Variants in BMAL2 observed in about 807,000 individuals in gnomAD.
BMAL2 encodes basic helix-loop-helix ARNT like 2.
the BMAL2 span, among the ~76,000 whole-genome samples, chr12:27,393,475 G>A: frequency 6.6e-6 from 1 of 152,292 alleles, no homozygotes; most frequent in South Asian, 2.1e-4. Flanking sequence ...GACAGTCACT[G>A]CTTTAGACTC....
At chr12:27,380,425 C>A in the BMAL2 span, 1 of 1,613,010 alleles carries the variant, frequency 6.2e-7, no homozygotes, top group Non-Finnish European at 8.5e-7. Context: ...CGATGGCTTC[C>A]ACACTTCGAT....
chr12:27,385,066 C>T, the BMAL2 span, among the ~76,000 whole-genome samples: 1 of 152,198 alleles, frequency 6.6e-6, no homozygotes, highest in Non-Finnish European at 1.5e-5. Flanking sequence ...GTAATCCCAG[C>T]ACTTTGGGAG....
At chr12:27,373,899 CT>C in the BMAL2 span, among the ~76,000 whole-genome samples, 1 of 152,090 alleles carries the variant, frequency 6.6e-6, no homozygotes, top group African/African-American at 2.4e-5. Context: ...TATCAGAAAG[CT>C]TATTAAAACA....
At chr12:27,406,522 T>C in the BMAL2 span, among the ~76,000 whole-genome samples, 1 of 152,066 alleles carries the variant, frequency 6.6e-6, no homozygotes. Context: ...AGGAATAAAA[T>C]ACTTTACAGA....
the BMAL2 span, among the ~76,000 whole-genome samples, chr12:27,356,937 G>A: frequency 2.0e-5 from 3 of 149,226 alleles, no homozygotes; most frequent in East Asian, 2.0e-4. Flanking sequence ...CCCAAAGTCC[G>A]TTGTATTATT....
At chr12:27,403,465 G>A in the BMAL2 span, 2 of 1,610,478 alleles carry the variant, frequency 1.2e-6, no homozygotes, top group South Asian at 1.1e-5. Context: ...GAGTGTACCT[G>A]GAATGTCTAC....
chr12:27,382,729 C>A, the BMAL2 span, among the ~76,000 whole-genome samples: 2 of 152,182 alleles, frequency 1.3e-5, no homozygotes, highest in African/African-American at 4.8e-5. Flanking sequence ...CAACAGAGGG[C>A]TGCCTGTGGA....
At chr12:27,409,486 A>C in the BMAL2 span, among the ~76,000 whole-genome samples, 1 of 152,348 alleles carries the variant, frequency 6.6e-6, no homozygotes, top group Admixed American at 6.5e-5. Flanking sequence ...CAAAAAGAAG[A>C]AATGGGGAAA....
chr12:27,352,451 C>T, the BMAL2 span, among the ~76,000 whole-genome samples: 1 of 152,192 alleles, frequency 6.6e-6, no homozygotes, highest in East Asian at 1.9e-4. Flanking sequence ...AGACCCTCAG[C>T]CAACATCATA....
At chr12:27,376,910 A>G in the BMAL2 span, among the ~76,000 whole-genome samples, 1 of 148,436 alleles carries the variant, frequency 6.7e-6, no homozygotes, top group Non-Finnish European at 1.5e-5. Flanking sequence ...CTGAGGCAGG[A>G]GAATGGCGTG....
the BMAL2 span, chr12:27,387,386 C>T: frequency 5.2e-6 from 6 of 1,151,546 alleles, no homozygotes; most frequent in Non-Finnish European, 7.8e-6. Context: ...TATTTTTAAG[C>T]TCTTTTTCTG....
At chr12:27,399,678 C>G in the BMAL2 span, among the ~76,000 whole-genome samples, 3 of 152,264 alleles carry the variant, frequency 2.0e-5, no homozygotes, top group Admixed American at 1.3e-4. Flanking sequence ...CAAATAGTGC[C>G]AATTTGAAAC....
the BMAL2 span, among the ~76,000 whole-genome samples, chr12:27,394,174 C>G: frequency 6.6e-6 from 1 of 152,138 alleles, no homozygotes; most frequent in African/African-American, 2.4e-5. Context: ...TTAAGCAGTC[C>G]TCCCAGTTCA....
chr12:27,420,833 GT>G, the BMAL2 span: 2 of 223,168 alleles, frequency 9.0e-6, no homozygotes, highest in Non-Finnish European at 1.7e-5. Flanking sequence ...TTTTGGCTTT[GT>G]TTTATTTTTG....
At chr12:27,352,831 C>T in the BMAL2 span, among the ~76,000 whole-genome samples, 1 of 152,084 alleles carries the variant, frequency 6.6e-6, no homozygotes, top group Non-Finnish European at 1.5e-5. Context: ...GTCTCATTCA[C>T]AATAGCCGTT....
At chr12:27,361,555 T>A in the BMAL2 span, among the ~76,000 whole-genome samples, 4 of 152,012 alleles carry the variant, frequency 2.6e-5, no homozygotes, top group South Asian at 8.3e-4. Context: ...CCAAAATGAG[T>A]TATATAAAAG....
At chr12:27,416,091 C>A in the BMAL2 span, 2 of 609,580 alleles carry the variant, frequency 3.3e-6, no homozygotes, top group South Asian at 2.4e-5. Flanking sequence ...TTTTAAGTGG[C>A]GTTGTGGAAT....
the BMAL2 span, among the ~76,000 whole-genome samples, chr12:27,393,011 C>A: frequency 6.6e-6 from 1 of 152,134 alleles, no homozygotes; most frequent in Admixed American, 6.5e-5. Context: ...GTATTCTCTC[C>A]CCTCCACCCT....
chr12:27,385,741 GA>G, the BMAL2 span, among the ~76,000 whole-genome samples: 1 of 152,204 alleles, frequency 6.6e-6, no homozygotes, highest in African/African-American at 2.4e-5. Context: ...TTGTGTTAAT[GA>G]AAGTAGAGAC....
Sources: allele counts gnomAD v4.1 joint callset (sites outside exome capture counted in the v4.1 genomes callset), GRCh38; gene constraint gnomAD v4.1.1; transcripts MANE v1.5; gene names NCBI Gene and HGNC (gene_info 2026-07-23, HGNC 2026-07-21).